Variants in C1orf115 observed in about 807,000 individuals in gnomAD.
C1orf115 encodes the protein required for drug-induced death protein 1.
C1orf115 carries 14 observed loss-of-function variants against 12.5 expected under a neutral mutation model. That is an observed-to-expected ratio of 1.12 (90% confidence interval 0.74 to 1.75). C1orf115 has a LOEUF of 1.75. Ranked by LOEUF, C1orf115 falls within the 40% of genes most tolerant of loss-of-function variation. C1orf115 has a pLI of 0.00. For missense variants in C1orf115, 237 were observed against 220.8 expected (o/e 1.07, Z -0.46); for synonymous variants, 109 against 104.6 (o/e 1.04, Z -0.26).
Position 220,690,691 on chromosome 1 carries a change from A to T in C1orf115, c.289A>T (p.Lys97Ter). The T allele has an allele frequency of 6.3e-7, 1 of 1,593,600 alleles. No individual in the cohort carries two copies. Among genetic ancestry groups the T allele is most frequent in the Non-Finnish European group, 8.5e-7 (1 of 1,171,406 alleles). ...GCAGCCCAGGAAGAGGTACCGGAGG[A>T]AGCTGAAGAAGTACGGCAAGGTAGG... ...SEQPRKRYRR[K>*]LKKYGKNVGK... Residue 97 changes from lysine (K) to a stop codon, truncating the protein, a stop_gained, in exon 1 of 2, where the codon AAG becomes TAG. Coordinates refer to ENST00000294889, the MANE Select transcript of C1orf115 (RefSeq NM_024709.5). LOFTEE classifies it high-confidence loss of function.
chr1:220,696,484 T>C, intron 1 of C1orf115, 128 bp from the exon 2 acceptor site: 1 of 1,154,712 alleles, frequency 8.7e-7, no homozygotes, highest in Non-Finnish European at 1.2e-6. Context: ...TGCTGATTTG[T>C]CACAAGAGAA....
At chr1:220,691,043 G>T (rs917426454) in intron 1 of C1orf115, among the ~76,000 whole-genome samples, 2 of 152,302 alleles carry the variant, frequency 1.3e-5, no homozygotes, top group South Asian at 2.1e-4. Context: ...TGAAGCGTTA[G>T]CGCGGCAGGT....
rs760664010 is a variant in C1orf115 at position 220,696,745 on chromosome 1, G to A, written c.*14G>A. ...TTCGTGCGCTAATGGGAGCTGCTGT[G>A]GCAGGTGCCCCCAGAGTGAACGGGA... On this transcript the variant is annotated 3_prime_UTR_variant, in exon 2 of 2. Transcript: ENST00000294889. 55 of 1,574,854 alleles carry A rather than the reference G, an allele frequency of 3.5e-5. No individual in the cohort carries two copies. In the South Asian group the frequency reaches 5.7e-4, roughly 16 times the overall value.
Position 220,690,390 on chromosome 1 carries a change from G to C in C1orf115, c.-13G>C. ...CTTTGCGCTCGGACCTTCGCCAGAG[G>C]GGCCGGGACATCATGACGGTGGGAG... On this transcript the variant is annotated 5_prime_UTR_variant, in exon 1 of 2. Transcript: ENST00000294889. 7.2e-7 allele frequency: 1 copy of C among 1,397,278 alleles called. No homozygotes were observed. The highest frequency in any genetic ancestry group is 1.6e-5 in the South Asian group (1 of 63,718). The allele number at this position is 1,397,278 out of a possible 1,614,324, so 86.6% of individuals were successfully genotyped here.
Position 220,697,020 on chromosome 1 carries a change from G to A in C1orf115, c.*289G>A. The A allele has an allele frequency of 3.8e-6, 1 of 260,156 alleles. No homozygotes were observed. The allele number at this position is 260,156 out of a possible 1,614,324, so 16.1% of individuals were successfully genotyped here. A position where few individuals can be genotyped will look rare whatever the true frequency, so the allele number is the denominator to read the frequency against. On this transcript the variant is annotated 3_prime_UTR_variant, in exon 2 of 2. Transcript: ENST00000294889. This position sits in a 1 kb window ranked among gnomAD's most constrained non-coding sequence, Gnocchi z 4.5. ...GCTAAAGCCAGAGCCTTCACGTGAAGGTGGCAGGCACTGGGGCGGAAGCCA... is the reference window on the plus strand; with the variant it reads ...GCTAAAGCCAGAGCCTTCACGTGAAAGTGGCAGGCACTGGGGCGGAAGCCA...
intron 1 of C1orf115, among the ~76,000 whole-genome samples, chr1:220,693,138 A>G (rs1670138983): frequency 6.6e-6 from 1 of 152,196 alleles, no homozygotes; most frequent in African/African-American, 2.4e-5. Context: ...GTAGTTGGGT[A>G]GAAAGCTCTA....
rs369666320 is a variant in C1orf115 at position 220,695,312 on chromosome 1, G to A, written c.310-1300G>A. ...GGAGAGGAAGCGAATGATGGAGGTG[G>A]TGAAGGGAAAGCCAAGATCAAGGTG... is the stretch of plus-strand genomic sequence containing the variant. On this transcript the variant is annotated intron_variant, in intron 1 of 1. Transcript: ENST00000294889. Among the ~76,000 whole-genome samples, 5 of 152,068 alleles carry A rather than the reference G, an allele frequency of 3.3e-5. No homozygotes were observed. In the East Asian group the frequency reaches 9.6e-4, roughly 29 times the overall value.
intron 1 of C1orf115, among the ~76,000 whole-genome samples, chr1:220,692,041 G>A (rs1215889405): frequency 6.6e-6 from 1 of 152,194 alleles, no homozygotes; most frequent in Non-Finnish European, 1.5e-5. Context: ...ACAGAAGGAT[G>A]AGTTAAGATT....
At chr1:220,690,831 C>T in intron 1 of C1orf115, 120 bp downstream of exon 1, 2 of 1,181,162 alleles carry the variant, frequency 1.7e-6, no homozygotes, top group Non-Finnish European at 2.3e-6. Flanking sequence ...GCGACCCCTC[C>T]GCCCCCGCTC....
chr1:220,691,702 G>A (rs1271175513), intron 1 of C1orf115, among the ~76,000 whole-genome samples: 1 of 152,164 alleles, frequency 6.6e-6, no homozygotes, highest in Non-Finnish European at 1.5e-5. Flanking sequence ...TCTCTGCTTT[G>A]GGTCCCAGTT....
intron 1 of C1orf115, among the ~76,000 whole-genome samples, chr1:220,693,098 T>C (rs1169356489): frequency 6.6e-6 from 1 of 152,194 alleles, no homozygotes; most frequent in Non-Finnish European, 1.5e-5. Flanking sequence ...CCCTCTTTGT[T>C]CCCCGAGACC....
Position 220,698,107 on chromosome 1 carries a change from T to C in C1orf115, c.*1376T>C. 1 of 152,858 alleles carries C rather than the reference T, an allele frequency of 6.5e-6. No individual in the cohort carries two copies. The highest frequency in any genetic ancestry group is 1.5e-5 in the Non-Finnish European group (1 of 68,512). The allele number at this position is 152,858 out of a possible 1,614,324, so 9.5% of individuals were successfully genotyped here. A position where few individuals can be genotyped will look rare whatever the true frequency, so the allele number is the denominator to read the frequency against. ...AAAGGAGGTCCTCTTACCATACCCCTCTGCCAACCCCCCAGTAGGCCACTG... is the reference window on the plus strand; with the variant it reads ...AAAGGAGGTCCTCTTACCATACCCCCCTGCCAACCCCCCAGTAGGCCACTG... On this transcript the variant is annotated 3_prime_UTR_variant, in exon 2 of 2. Coordinates refer to ENST00000294889, the MANE Select transcript of C1orf115 (RefSeq NM_024709.5).
chr1:220,696,208 G>A (rs1222083299), intron 1 of C1orf115, among the ~76,000 whole-genome samples: 1 of 152,200 alleles, frequency 6.6e-6, no homozygotes, highest in East Asian at 1.9e-4. Flanking sequence ...GTGAAGGAAG[G>A]AAAACTTAAC....
At chr1:220,695,372 G>C (rs1286951664) in intron 1 of C1orf115, among the ~76,000 whole-genome samples, 1 of 152,164 alleles carries the variant, frequency 6.6e-6, no homozygotes, top group Non-Finnish European at 1.5e-5. Context: ...CAAGGGAATG[G>C]CTTGGGGGAA....
chr1:220,693,135 G>A (rs1382560979), intron 1 of C1orf115, among the ~76,000 whole-genome samples: 1 of 152,016 alleles, frequency 6.6e-6, no homozygotes, highest in Non-Finnish European at 1.5e-5. Flanking sequence ...AGAGTAGTTG[G>A]GTAGAAAGCT....
Position 220,696,666 on chromosome 1 carries a change from G to A in C1orf115, c.364G>A (p.Gly122Ser), listed in dbSNP as rs752687055. Residue 122 changes from glycine (G) to serine (S), a missense_variant, in exon 2 of 2, where the codon GGC becomes AGC. By Grantham distance (56) the Gly-to-Ser change is moderately conservative. Coordinates refer to ENST00000294889, the MANE Select transcript of C1orf115 (RefSeq NM_024709.5). ...GCRYVVIGLQGFAAAYSAPFA... is the reference protein window; with the variant it reads ...GCRYVVIGLQSFAAAYSAPFA... ...CCGCTACGTGGTCATCGGCCTGCAAGGCTTCGCTGCAGCCTACTCCGCCCC... is the reference window on the plus strand; with the variant it reads ...CCGCTACGTGGTCATCGGCCTGCAAAGCTTCGCTGCAGCCTACTCCGCCCC... The A allele has an allele frequency of 2.5e-6, 4 of 1,603,646 alleles. No homozygotes were observed. Among genetic ancestry groups the A allele is most frequent in the Non-Finnish European group, 1.7e-6 (2 of 1,171,272 alleles).
chr1:220,691,858 A>G (rs527265090), intron 1 of C1orf115, among the ~76,000 whole-genome samples: 2 of 152,336 alleles, frequency 1.3e-5, no homozygotes, highest in African/African-American at 4.8e-5. Flanking sequence ...GAAAATGAAT[A>G]CAGTGCAGCC....
rs768049381 is a variant in C1orf115 at position 220,696,765 on chromosome 1, A to G, written c.*34A>G. On this transcript the variant is annotated 3_prime_UTR_variant, in exon 2 of 2. Coordinates refer to ENST00000294889, the MANE Select transcript of C1orf115 (RefSeq NM_024709.5). ...GCTGTGGCAGGTGCCCCCAGAGTGAACGGGAGCCCCTGCTGTGGGAACTTT... is the reference window on the plus strand; with the variant it reads ...GCTGTGGCAGGTGCCCCCAGAGTGAGCGGGAGCCCCTGCTGTGGGAACTTT... 6.4e-7 allele frequency: 1 copy of G among 1,553,538 alleles called. No individual in the cohort carries two copies. Among genetic ancestry groups the G allele is most frequent in the Middle Eastern group, 1.7e-4 (1 of 5,836 alleles).
Position 220,690,402 on chromosome 1 carries a change from C to T in C1orf115, c.-1C>T, listed in dbSNP as rs552264612. 2 of 1,424,618 alleles carry T rather than the reference C, an allele frequency of 1.4e-6. No individual in the cohort carries two copies. The highest frequency in any genetic ancestry group is 3.0e-5 in the East Asian group (1 of 33,660). The allele number at this position is 1,424,618 out of a possible 1,614,324, so 88.2% of individuals were successfully genotyped here. ...ACCTTCGCCAGAGGGGCCGGGACAT[C>T]ATGACGGTGGGAGCCAGGCTCCGAA... is the stretch of plus-strand genomic sequence containing the variant. On this transcript the variant is annotated 5_prime_UTR_variant, in exon 1 of 2. Transcript: ENST00000294889.
Sources: allele counts gnomAD v4.1 joint callset (sites outside exome capture counted in the v4.1 genomes callset), GRCh38; gene constraint gnomAD v4.1.1; non-coding constraint Gnocchi (gnomAD v3.1); transcripts MANE v1.5; gene names NCBI Gene and HGNC (gene_info 2026-07-23, HGNC 2026-07-21).